CADPS: variants seen among roughly 807,000 people sequenced by gnomAD.
The protein encoded by CADPS is calcium dependent secretion activator, also known as calcium-dependent secretion activator 1.
CADPS carries 57 observed loss-of-function variants against 167.3 expected under a neutral mutation model. That is an observed-to-expected ratio of 0.34 (90% CI 0.28 to 0.42). CADPS has a LOEUF of 0.42. CADPS is among the 20% of genes least tolerant of loss of function. The pLI is 1.00. For synonymous variants in CADPS, 676 were observed against 635.3 expected, an observed-to-expected ratio of 1.06 and a Z score of -0.96; for missense variants, 1,414 against 1,738.1, an observed-to-expected ratio of 0.81 and a Z score of 3.32.
chr3:62,733,880 A>G (rs577506636), intron 3 of CADPS, among the ~76,000 whole-genome samples: 4 of 152,260 alleles, frequency 2.6e-5, no homozygotes, highest in East Asian at 1.9e-4. Flanking sequence ...AGCTCATTAT[A>G]TCATTTTTAT....
rs189763759 is a variant in CADPS, at chr3:62,706,196, G to A, written c.889-43802C>T. On this transcript the variant is annotated intron_variant, in intron 3 of 29. Coordinates refer to ENST00000383710, the MANE Select transcript of CADPS (RefSeq NM_003716.4). The stretch of plus-strand genomic sequence containing the variant: ...GCTTCCTTTAGATAAAGACTTGAAT[G>A]GCACCTCTCTAATGAAGCCTACCAT... 1.1e-3 allele frequency among the ~76,000 whole-genome samples: 169 copies of A among 152,154 alleles called. 1 individual carries two copies. Among genetic ancestry groups the A allele is most frequent in the Non-Finnish European group, 2.1e-3 (143 of 68,038 alleles).
chr3:62,857,446 G>C (rs73097471), intron 1 of CADPS, among the ~76,000 whole-genome samples: 29,678 of 151,848 alleles, frequency 0.2, 3,282 homozygotes, highest in Middle Eastern at 0.35. Context: ...GCTTACTGCA[G>C]AATGTATAGA....
At chr3:62,870,533 G>A (rs1346866273) in intron 1 of CADPS, among the ~76,000 whole-genome samples, 2 of 152,040 alleles carry the variant, frequency 1.3e-5, no homozygotes, top group African/African-American at 4.8e-5. Flanking sequence ...ATCATTTCAT[G>A]GGCAGATACA....
intron 21 of CADPS, among the ~76,000 whole-genome samples, chr3:62,486,231 G>T (rs1007752762): frequency 5.3e-5 from 8 of 152,134 alleles, no homozygotes; most frequent in African/African-American, 1.9e-4. Context: ...TGGATCACGA[G>T]GTCAGGAGAT....
At chr3:62,570,746 T>G (rs1578014107) in intron 9 of CADPS, 126 bp downstream of exon 9, 2 of 714,550 alleles carry the variant, frequency 2.8e-6, no homozygotes, top group East Asian at 5.0e-5. Context: ...CATGGATATA[T>G]GTAAAAATTC....
intron 3 of CADPS, among the ~76,000 whole-genome samples, chr3:62,692,117 T>C (rs1372342860): frequency 6.6e-6 from 1 of 151,960 alleles, no homozygotes; most frequent in East Asian, 1.9e-4. Context: ...GATGGTATTT[T>C]AGATCAGTCC....
chr3:62,871,026 A>C (rs571415369), intron 1 of CADPS, among the ~76,000 whole-genome samples: 1 of 152,236 alleles, frequency 6.6e-6, no homozygotes, highest in Admixed American at 6.5e-5. Flanking sequence ...TTTGGTCATA[A>C]ATTATTTCGC....
chr3:62,432,401 C>T (rs1264957078), intron 28 of CADPS, among the ~76,000 whole-genome samples: 1 of 152,102 alleles, frequency 6.6e-6, no homozygotes, highest in Admixed American at 6.6e-5. Flanking sequence ...CCACTCCTGA[C>T]CATCACTATT....
chr3:62,491,696 C>A (rs1454408389), intron 20 of CADPS, among the ~76,000 whole-genome samples: 1 of 152,088 alleles, frequency 6.6e-6, no homozygotes, highest in African/African-American at 2.4e-5. Context: ...AAACACTTTA[C>A]CCCTTGGTAT....
At chr3:62,573,940 T>C (rs1028758756) in intron 8 of CADPS, among the ~76,000 whole-genome samples, 3 of 152,244 alleles carry the variant, frequency 2.0e-5, no homozygotes, top group Non-Finnish European at 2.9e-5. Flanking sequence ...ACATTTGTTA[T>C]AGTTCAGTTG....
chr3:62,518,657 G>T (rs1053350578), intron 13 of CADPS, among the ~76,000 whole-genome samples: 2 of 152,080 alleles, frequency 1.3e-5, no homozygotes, highest in Non-Finnish European at 2.9e-5. Context: ...ATTATTAATT[G>T]GTGGCTAACA....
At chr3:62,853,070 A>T (rs2078948655) in intron 1 of CADPS, among the ~76,000 whole-genome samples, 1 of 152,230 alleles carries the variant, frequency 6.6e-6, no homozygotes, top group South Asian at 2.1e-4. Flanking sequence ...CAAATGCTTT[A>T]TCTTGCACTT....
intron 8 of CADPS, among the ~76,000 whole-genome samples, chr3:62,577,636 T>C (rs1009023570): frequency 1.0e-4 from 16 of 152,388 alleles, no homozygotes; most frequent in African/African-American, 3.8e-4. Flanking sequence ...AACTCTTCTA[T>C]AGCTGTAGCT....
rs1348953147 is a variant in CADPS at position 62,602,806 on chromosome 3, C to T, written c.1326-10058G>A. Reference sequence around the variant, plus strand: ...AAATGTGTCCAAACCTCAGCTTGATCTCTTCTCCCTCACATCTGTTCCTCT... The same window carrying T: ...AAATGTGTCCAAACCTCAGCTTGATTTCTTCTCCCTCACATCTGTTCCTCT... On this transcript the variant is annotated intron_variant, in intron 6 of 29. Coordinates refer to ENST00000383710, the MANE Select transcript of CADPS (RefSeq NM_003716.4). The surrounding 1 kb of genome is among the most constrained non-coding windows in gnomAD (Gnocchi z 4.4). Among the ~76,000 whole-genome samples the T allele has an allele frequency of 6.6e-6, 1 of 152,284 alleles. No individual in the cohort carries two copies. Among genetic ancestry groups the T allele is most frequent in the Non-Finnish European group, 1.5e-5 (1 of 68,028 alleles).
chr3:62,696,168 G>A (rs1359741766), intron 3 of CADPS, among the ~76,000 whole-genome samples: 2 of 152,036 alleles, frequency 1.3e-5, no homozygotes, highest in African/African-American at 4.8e-5. Context: ...TTGGCTGGGT[G>A]ACATTGGGGC....
chr3:62,770,583 G>A (rs544783135), intron 1 of CADPS, among the ~76,000 whole-genome samples: 2 of 151,964 alleles, frequency 1.3e-5, no homozygotes. Context: ...GCACCAGCAC[G>A]CCCAGCTAAT....
rs894424747 is a variant in CADPS at position 62,602,075 on chromosome 3, T to TC, written c.1326-9328dup. ...ACACAGTAATTTTCATTAGAATTTT[T>TC]CCCCCCATGAACAAAAAACAACATT... On this transcript the variant is annotated intron_variant, in intron 6 of 29. Coordinates refer to ENST00000383710, the MANE Select transcript of CADPS (RefSeq NM_003716.4). This position sits in a 1 kb window ranked among gnomAD's most constrained non-coding sequence, Gnocchi z 4.4. 6.6e-5 allele frequency among the ~76,000 whole-genome samples: 10 copies of TC among 151,946 alleles called. No homozygotes were observed. The highest frequency in any genetic ancestry group is 9.7e-5 in the African/African-American group (4 of 41,316).
At chr3:62,780,963 T>C (rs944177124) in intron 1 of CADPS, among the ~76,000 whole-genome samples, 10 of 152,204 alleles carry the variant, frequency 6.6e-5, no homozygotes, top group Non-Finnish European at 1.3e-4. Context: ...CAATAAATGT[T>C]AGTCGTTATC....
At chr3:62,517,801 C>T (rs2069372298) in intron 14 of CADPS, among the ~76,000 whole-genome samples, 1 of 152,166 alleles carries the variant, frequency 6.6e-6, no homozygotes, top group Non-Finnish European at 1.5e-5. Context: ...GTATCACTGC[C>T]TTCCTTCCTT....
Sources: gnomAD v4.1 joint callset for allele counts (sites outside exome capture counted in the v4.1 genomes callset) on GRCh38, gnomAD v4.1.1 for gene constraint, Gnocchi (gnomAD v3.1) non-coding constraint, MANE v1.5 for transcripts, NCBI Gene and HGNC (gene_info 2026-07-23, HGNC 2026-07-21) for gene names.